The following LSAMP variants were observed in gnomAD, a reference collection of about 807,000 sequenced individuals.
The protein encoded by LSAMP is limbic system-associated membrane protein.
A neutral mutation model predicts 38.6 loss-of-function variants in LSAMP; 7 were observed. The ratio of observed to expected loss-of-function variants is 0.18; its 90% CI spans 0.10 to 0.34. The LOEUF (loss-of-function observed/expected upper bound fraction) is 0.34, where lower values mean the gene tolerates loss of function less well. Ranked by LOEUF, LSAMP falls within the 10% of genes least tolerant of loss-of-function variation. The pLI, the probability that LSAMP is intolerant of heterozygous loss-of-function variation, is 1.00. For synonymous variants in LSAMP, 154 were observed against 166.8 expected (o/e 0.92, Z 0.59); for missense variants, 313 against 420.0 (o/e 0.75, Z 2.23).
chr3:116,078,388 G>T (rs1428994702), intron 2 of LSAMP, among the ~76,000 whole-genome samples: 3 of 151,742 alleles, frequency 2.0e-5, no homozygotes, highest in African/African-American at 7.3e-5. Flanking sequence ...GCAGTGGCCT[G>T]ATCTGGGCTC....
chr3:116,103,497 G>A (rs1311787153), intron 1 of LSAMP, among the ~76,000 whole-genome samples: 2 of 144,872 alleles, frequency 1.4e-5, no homozygotes, highest in African/African-American at 5.1e-5. Context: ...AAGAAAGACA[G>A]TGTACATATC....
At chr3:116,149,536 C>T (rs1709563432) in intron 1 of LSAMP, among the ~76,000 whole-genome samples, 1 of 151,986 alleles carries the variant, frequency 6.6e-6, no homozygotes, top group Admixed American at 6.6e-5. Context: ...TCAGCGAGGT[C>T]TAATGCACAT....
At chr3:116,221,842 GAA>G (rs1386988110) in intron 1 of LSAMP, among the ~76,000 whole-genome samples, 1 of 48,054 alleles carries the variant, frequency 2.1e-5, no homozygotes, top group Non-Finnish European at 4.2e-5. Context: ...ATCCTAAAAA[GAA>G]GTGTGTGTGT....
chr3:116,232,556 T>C (rs553637617), intron 1 of LSAMP, among the ~76,000 whole-genome samples: 1 of 152,264 alleles, frequency 6.6e-6, no homozygotes, highest in South Asian at 2.1e-4. Flanking sequence ...CTGGTTGCTT[T>C]ATAAAGGTTT....
intron 3 of LSAMP, among the ~76,000 whole-genome samples, chr3:115,997,713 G>GATAT (rs376845636): frequency 0.051 from 4,613 of 90,268 alleles, 102 homozygotes; most frequent in Middle Eastern, 0.083. Context: ...GACATTTTGG[G>GATAT]ATATATATAT....
At chr3:116,395,136 G>T (rs1324165936) in intron 1 of LSAMP, among the ~76,000 whole-genome samples, 1 of 151,960 alleles carries the variant, frequency 6.6e-6, no homozygotes, top group Non-Finnish European at 1.5e-5. Context: ...CACATGTAGT[G>T]ACCTGTACAT....
chr3:116,056,903 A>G (rs990556311), intron 2 of LSAMP, among the ~76,000 whole-genome samples: 3 of 152,164 alleles, frequency 2.0e-5, no homozygotes, highest in African/African-American at 7.2e-5. Context: ...GTATGTACTG[A>G]GTGGTATCTC....
At position 116,181,926 on chromosome 3, in the gene LSAMP, T is replaced by C. The variant is rs1039820053; in HGVS notation, c.156-95370A>G. ...TTTTGATAAAGATCACCCAGGTAACTGTGTTTCAGTCTATCCAATGATTGC... is the reference window on the plus strand; with the variant it reads ...TTTTGATAAAGATCACCCAGGTAACCGTGTTTCAGTCTATCCAATGATTGC... On this transcript the variant is annotated intron_variant, in intron 1 of 6. Transcript: ENST00000490035. 8.5e-5 allele frequency among the ~76,000 whole-genome samples: 13 copies of C among 152,100 alleles called. 1 individual carries two copies. The highest frequency in any genetic ancestry group is 7.9e-4 in the Admixed American group (12 of 15,248).
chr3:116,435,614 C>A (rs955689080), intron 1 of LSAMP, among the ~76,000 whole-genome samples: 9 of 152,156 alleles, frequency 5.9e-5, no homozygotes, highest in South Asian at 2.1e-4. Flanking sequence ...CTGTCTTCAC[C>A]ACTCAGGAGC....
At chr3:116,387,517 A>C (rs942937496) in intron 1 of LSAMP, among the ~76,000 whole-genome samples, 18 of 152,170 alleles carry the variant, frequency 1.2e-4, no homozygotes, top group Non-Finnish European at 2.4e-4. Context: ...ATGTATCAAT[A>C]AAAAACTAAC....
In LSAMP at chr3:116,185,443, C is replaced by A. The variant is rs138398896; in HGVS notation, c.156-98887G>T. ...TTGAAGAGACAGGTTAGAGTGTATC[C>A]CTATGACCTCATTTTATTATTTGTA... On this transcript the variant is annotated intron_variant, in intron 1 of 6. Coordinates refer to ENST00000490035, the MANE Select transcript of LSAMP (RefSeq NM_002338.5). 1.0e-3 allele frequency among the ~76,000 whole-genome samples: 154 copies of A among 152,044 alleles called. 3 individuals carry two copies. In the East Asian group the frequency reaches 0.026, roughly 25 times the overall value.
At chr3:116,243,313 G>A (rs1196642887) in intron 1 of LSAMP, among the ~76,000 whole-genome samples, 1 of 152,170 alleles carries the variant, frequency 6.6e-6, no homozygotes, top group Non-Finnish European at 1.5e-5. Flanking sequence ...CATGAAGCCA[G>A]CTTAATAGAG....
intron 1 of LSAMP, among the ~76,000 whole-genome samples, chr3:116,246,200 G>T (rs552419750): frequency 1.3e-5 from 2 of 152,226 alleles, no homozygotes; most frequent in South Asian, 4.1e-4. Context: ...GCCTTCAATA[G>T]TTCCTAGAGT....
At chr3:116,353,349 G>A (rs1464112594) in intron 1 of LSAMP, among the ~76,000 whole-genome samples, 1 of 152,088 alleles carries the variant, frequency 6.6e-6, no homozygotes, top group Non-Finnish European at 1.5e-5. Context: ...CTGCACAAGA[G>A]TTATAGTTGG....
In LSAMP at chr3:116,236,967, T is replaced by TAC. The variant is rs1559794445; in HGVS notation, c.156-150412_156-150411insGT. ...AACATAAGCCATATATATATATGCA[T>TAC]ATATATACATATATACACATACATA... On this transcript the variant is annotated intron_variant, in intron 1 of 6. Transcript: ENST00000490035. Among the ~76,000 whole-genome samples, 5 of 66,636 alleles carry TAC rather than the reference T, an allele frequency of 7.5e-5. No individual in the cohort carries two copies. The South Asian group carries it at 4.0e-3, about 53-fold the overall frequency. 43.7% of individuals were successfully genotyped at this position (66,636 alleles called of 152,430 possible).
chr3:116,068,899 G>A (rs1707527169), intron 2 of LSAMP, among the ~76,000 whole-genome samples: 1 of 152,222 alleles, frequency 6.6e-6, no homozygotes, highest in African/African-American at 2.4e-5. Flanking sequence ...ATGTTATAAA[G>A]TGGAATGTGA....
At chr3:115,940,227 C>T (rs1020165847) in intron 3 of LSAMP, among the ~76,000 whole-genome samples, 1 of 152,104 alleles carries the variant, frequency 6.6e-6, no homozygotes, top group African/African-American at 2.4e-5. Context: ...AAGAACAAAG[C>T]TTCCACAGGT....
At chr3:115,902,446 T>A (rs2107485771) in intron 3 of LSAMP, among the ~76,000 whole-genome samples, 1 of 152,050 alleles carries the variant, frequency 6.6e-6, no homozygotes, top group East Asian at 1.9e-4. Flanking sequence ...GGGCAAAAAT[T>A]TCATGACAAA....
chr3:116,103,869 T>C (rs937407295), intron 1 of LSAMP, among the ~76,000 whole-genome samples: 7 of 152,244 alleles, frequency 4.6e-5, no homozygotes, highest in Non-Finnish European at 7.3e-5. Context: ...TAAAAAATTC[T>C]GTAACAATAA....
Sources: gnomAD v4.1 joint callset for allele counts (sites outside exome capture counted in the v4.1 genomes callset) on GRCh38, gnomAD v4.1.1 for gene constraint, MANE v1.5 for transcripts, NCBI Gene and HGNC (gene_info 2026-07-23, HGNC 2026-07-21) for gene names.